Variants in ADAMTS19 observed in about 807,000 individuals in gnomAD.
ADAMTS19 encodes ADAM metallopeptidase with thrombospondin type 1 motif 19.
A neutral mutation model predicts 153.3 loss-of-function variants in ADAMTS19; 93 were observed. That is an observed-to-expected ratio of 0.61 (90% CI 0.51 to 0.72). The LOEUF is 0.72. Ranked by LOEUF, ADAMTS19 falls within the 30% of genes least tolerant of loss-of-function variation. ADAMTS19 has a pLI of 0.00. For missense variants in ADAMTS19, 1,482 were observed against 1,552.1 expected, an observed-to-expected ratio of 0.95 and a Z score of 0.76; for synonymous variants, 600 against 556.6, an observed-to-expected ratio of 1.08 and a Z score of -1.10.
intron 8 of ADAMTS19, among the ~76,000 whole-genome samples, chr5:129,608,116 G>GTGTATATATATA (rs377008786): frequency 0.015 from 713 of 47,874 alleles, 30 homozygotes; most frequent in Non-Finnish European, 0.028. Context: ...GTGTGTGTGT[G>GTGTATATATATA]TATATATATA....
In ADAMTS19 at chr5:129,461,695, AC is replaced by A; in HGVS notation, c.687del (p.Gly230GlufsTer20). ...PAPPDAGCFYTGAVLRHPGSL... is the reference protein window; with the variant it reads ...PAPPDAGCFYXGAVLRHPGSL... ...GCCACCAGACGCAGGCTGCTTCTAC[AC>A]CGGAGCTGTGCTGCGGCACCCTGGC... On this transcript the variant is annotated frameshift_variant, in exon 2 of 23. Transcript: ENST00000274487. LOFTEE classifies it high-confidence loss of function. This position sits in a 1 kb window ranked among gnomAD's most constrained non-coding sequence, Gnocchi z 4.6. 6.4e-7 allele frequency: 1 copy of A among 1,562,260 alleles called. No individual in the cohort carries two copies. The highest frequency in any genetic ancestry group is 8.6e-7 in the Non-Finnish European group (1 of 1,159,892).
chr5:129,607,964 CAT>C (rs150019705), intron 8 of ADAMTS19, among the ~76,000 whole-genome samples: 9,738 of 146,244 alleles, frequency 0.067, 563 homozygotes, highest in African/African-American at 0.16. Context: ...TATACACACA[CAT>C]ATATATATTT....
intron 7 of ADAMTS19, among the ~76,000 whole-genome samples, chr5:129,576,244 T>G (rs1010620979): frequency 1.3e-5 from 2 of 152,094 alleles, no homozygotes; most frequent in Admixed American, 1.3e-4. Context: ...TGAATCTCCT[T>G]TCTTTCACTT....
In ADAMTS19 at chr5:129,679,963, C is replaced by T. The variant is rs1260004028; in HGVS notation, c.2664+42C>T. On this transcript the variant is annotated intron_variant, in intron 17 of 22. Transcript: ENST00000274487. ...TGATAACATGGCATAATCAACTTCTCATGGCAAGGAATATTCCCAGTGCAC... is the reference window on the plus strand; with the variant it reads ...TGATAACATGGCATAATCAACTTCTTATGGCAAGGAATATTCCCAGTGCAC... 5.7e-6 allele frequency: 9 copies of T among 1,569,930 alleles called. No individual in the cohort carries two copies. The Middle Eastern group carries it at 5.2e-4, about 91-fold the overall frequency.
chr5:129,477,643 T>C (rs1234622912), intron 2 of ADAMTS19, among the ~76,000 whole-genome samples: 2 of 152,222 alleles, frequency 1.3e-5, no homozygotes, highest in African/African-American at 4.8e-5. Context: ...AGCATTTGCC[T>C]ATAGTTAGCT....
At chr5:129,551,494 TTG>T (rs1381943857) in intron 6 of ADAMTS19, among the ~76,000 whole-genome samples, 1 of 151,716 alleles carries the variant, frequency 6.6e-6, no homozygotes, top group African/African-American at 2.4e-5. Flanking sequence ...GAAATAATTT[TTG>T]TGTTACATAA....
chr5:129,526,147 A>G (rs930223611), intron 3 of ADAMTS19, 137 bp from the exon 4 acceptor site: 4 of 654,500 alleles, frequency 6.1e-6, no homozygotes, highest in Non-Finnish European at 9.6e-6. Flanking sequence ...TTCTAAAGTC[A>G]TATTTCAAAG....
chr5:129,535,118 C>T (rs1002336671), intron 6 of ADAMTS19, among the ~76,000 whole-genome samples: 1 of 152,140 alleles, frequency 6.6e-6, no homozygotes, highest in South Asian at 2.1e-4. Flanking sequence ...AAGAGGAAGT[C>T]AAATTGTCCC....
chr5:129,532,142 T>C (rs1259108918), intron 6 of ADAMTS19, among the ~76,000 whole-genome samples: 3 of 152,020 alleles, frequency 2.0e-5, no homozygotes, highest in African/African-American at 4.8e-5. Context: ...AATCAAGAAA[T>C]ATTGACAATC....
Position 129,655,468 on chromosome 5 carries a change from C to T in ADAMTS19, c.2304+1035C>T, listed in dbSNP as rs564422582. Among the ~76,000 whole-genome samples the T allele has an allele frequency of 3.9e-5, 6 of 152,332 alleles. No homozygotes were observed. The South Asian group carries it at 1.2e-3, about 32-fold the overall frequency. On this transcript the variant is annotated intron_variant, in intron 14 of 22. Coordinates refer to ENST00000274487, the MANE Select transcript of ADAMTS19 (RefSeq NM_133638.6). Reference sequence around the variant, plus strand: ...GAGTGGAGTGGCACTGCATCCATGACAGCCTTTAGGAAACTGTTAACTGGG... The same window carrying T: ...GAGTGGAGTGGCACTGCATCCATGATAGCCTTTAGGAAACTGTTAACTGGG...
At chr5:129,599,494 G>T (rs951887079) in intron 8 of ADAMTS19, among the ~76,000 whole-genome samples, 1 of 152,048 alleles carries the variant, frequency 6.6e-6, no homozygotes, top group Non-Finnish European at 1.5e-5. Flanking sequence ...ACCCTGAATA[G>T]TTTACTTTTA....
chr5:129,517,361 C>A (rs1395922978), intron 3 of ADAMTS19, among the ~76,000 whole-genome samples: 1 of 151,822 alleles, frequency 6.6e-6, no homozygotes, highest in Admixed American at 6.6e-5. Context: ...GGAAGATGTG[C>A]CCAGTGCTTA....
intron 8 of ADAMTS19, 22 bp downstream of exon 8, chr5:129,596,686 G>C: frequency 6.7e-7 from 1 of 1,497,678 alleles, no homozygotes; most frequent in Non-Finnish European, 9.2e-7. Context: ...TCATGGCTAT[G>C]TTAAATATGT....
At chr5:129,544,185 C>A (rs780843427) in intron 6 of ADAMTS19, among the ~76,000 whole-genome samples, 6 of 152,098 alleles carry the variant, frequency 3.9e-5, no homozygotes, top group Non-Finnish European at 8.8e-5. Context: ...TATCTCCAAC[C>A]ATTTGGAAGA....
At chr5:129,603,487 T>G (rs1340459186) in intron 8 of ADAMTS19, among the ~76,000 whole-genome samples, 1 of 152,220 alleles carries the variant, frequency 6.6e-6, no homozygotes, top group African/African-American at 2.4e-5. Context: ...CTTTTTTTCT[T>G]TAGGTCTACA....
At chr5:129,711,034 T>TA (rs1756432710) in intron 21 of ADAMTS19, among the ~76,000 whole-genome samples, 1 of 152,124 alleles carries the variant, frequency 6.6e-6, no homozygotes, top group Admixed American at 6.6e-5. Context: ...GCAAATACAC[T>TA]ACCCCAATTA....
Position 129,601,721 on chromosome 5 carries a change from A to G in ADAMTS19, c.1478+5057A>G, listed in dbSNP as rs563472035. On this transcript the variant is annotated intron_variant, in intron 8 of 22. Transcript: ENST00000274487. ...CAGACAGTGCTTAATTCTCCCAACA[A>G]CAATGTGTGAAATCATGCACAAAGT... Among the ~76,000 whole-genome samples, 12 of 152,316 alleles carry G rather than the reference A, an allele frequency of 7.9e-5. No individual in the cohort carries two copies. In the Middle Eastern group the frequency reaches 0.01, roughly 130 times the overall value.
chr5:129,597,473 G>A (rs2126921835), intron 8 of ADAMTS19, among the ~76,000 whole-genome samples: 1 of 152,224 alleles, frequency 6.6e-6, no homozygotes, highest in African/African-American at 2.4e-5. Flanking sequence ...TTCAACTCAG[G>A]TCAAACTGTT....
rs780279219 is a variant in ADAMTS19, at chr5:129,509,159, G to A, written c.830G>A (p.Arg277His). The A allele has an allele frequency of 1.5e-5, 24 of 1,612,040 alleles. No individual in the cohort carries two copies. Among genetic ancestry groups the A allele is most frequent in the African/African-American group, 2.7e-5 (2 of 74,772 alleles). The change falls in exon 3 of 23, where the codon CGT becomes CAT. Residue 277 changes from arginine to histidine, a missense_variant. By Grantham distance (29) the Arg-to-His change is conservative. This residue lies in a region of ADAMTS19 where 866 missense variants were observed against 827.7 expected (regional missense o/e 1.05). Coordinates refer to ENST00000274487, the MANE Select transcript of ADAMTS19 (RefSeq NM_133638.6). Reference sequence around the variant, plus strand: ...ATGGCCATAACAGGTCACCCACACCGTGTATATAGGCAGAAAAGGTCCATG... The same window carrying A: ...ATGGCCATAACAGGTCACCCACACCATGTATATAGGCAGAAAAGGTCCATG... Reference protein sequence around the residue: ...DTMAITGHPHRVYRQKRSMEE... With the variant: ...DTMAITGHPHHVYRQKRSMEE...
Sources: gnomAD v4.1 joint callset for allele counts (sites outside exome capture counted in the v4.1 genomes callset) on GRCh38, gnomAD v4.1.1 for gene constraint, gnomAD v4.1.1 regional missense constraint, Gnocchi (gnomAD v3.1) non-coding constraint, MANE v1.5 for transcripts, NCBI Gene and HGNC (gene_info 2026-07-23, HGNC 2026-07-21) for gene names.